The following NCAM2 variants were observed in gnomAD, a reference collection of about 807,000 sequenced individuals.
NCAM2 encodes N-CAM-2.
In NCAM2, 30 loss-of-function variants were observed where a neutral mutation model predicts 98.1. The observed-to-expected ratio is 0.31, with a 90% confidence interval of 0.23 to 0.41. The LOEUF (loss-of-function observed/expected upper bound fraction) is 0.41. NCAM2 is among the 10% of genes least tolerant of loss of function. The probability of loss-of-function intolerance (pLI) is 1.00; values close to 1 mark genes in which losing one functional copy is unlikely to be tolerated. For synonymous variants in NCAM2, 368 were observed against 342.4 expected (o/e 1.07, Z -0.83); for missense variants, 867 against 1,005.8 (o/e 0.86, Z 1.87).
rs545933769 is a variant in NCAM2, at chr21:21,418,700, A to G, written c.1480+131A>G. ...TGGATCTCTTGGAGATATCAGGTAG[A>G]CTGTGGTTACCAGAGGCTTGGTAGT... On this transcript the variant is annotated intron_variant, in intron 11 of 17. Coordinates refer to ENST00000400546, the MANE Select transcript of NCAM2 (RefSeq NM_004540.5). The G allele has an allele frequency of 4.7e-4, 339 of 728,742 alleles. No individual in the cohort carries two copies. Among genetic ancestry groups the G allele is most frequent in the Middle Eastern group, 2.2e-3 (8 of 3,650 alleles). The allele number at this position is 728,742 out of a possible 1,614,324, so 45.1% of individuals were successfully genotyped here.
chr21:21,341,079 C>T (rs1483895105), intron 8 of NCAM2, among the ~76,000 whole-genome samples: 1 of 152,042 alleles, frequency 6.6e-6, no homozygotes, highest in Non-Finnish European at 1.5e-5. Context: ...TACAAATTTA[C>T]AGTATGGCCT....
At chr21:21,221,269 T>C (rs1297809780) in intron 1 of NCAM2, among the ~76,000 whole-genome samples, 1 of 152,128 alleles carries the variant, frequency 6.6e-6, no homozygotes, top group Non-Finnish European at 1.5e-5. Context: ...TTTGGTCAAT[T>C]ACCACCCCTA....
intron 1 of NCAM2, among the ~76,000 whole-genome samples, chr21:21,160,843 A>G (rs563472962): frequency 4.1e-4 from 63 of 152,154 alleles, no homozygotes; most frequent in African/African-American, 1.4e-3. Context: ...TTGATATGCA[A>G]TGACATTCTG....
At chr21:21,138,186 A>C (rs1289060462) in intron 1 of NCAM2, among the ~76,000 whole-genome samples, 1 of 152,298 alleles carries the variant, frequency 6.6e-6, no homozygotes, top group Admixed American at 6.5e-5. Context: ...AAGTGTGAGC[A>C]AGCACAGATG....
intron 1 of NCAM2, among the ~76,000 whole-genome samples, chr21:21,268,673 C>T (rs1185697831): frequency 6.6e-6 from 1 of 152,146 alleles, no homozygotes; most frequent in African/African-American, 2.4e-5. Context: ...CCCCATAATT[C>T]TTATCTCTCT....
In NCAM2 at chr21:21,288,753, A is replaced by C. The variant is rs530712366; in HGVS notation, c.481+2341A>C. ...ATCAAGATTACAATTATGTATGAGG[A>C]TTTAGAATAATGCCACGGACCCAGA... On this transcript the variant is annotated intron_variant, in intron 4 of 17. Transcript: ENST00000400546. Among the ~76,000 whole-genome samples, 6 of 151,996 alleles carry C rather than the reference A, an allele frequency of 3.9e-5. No individual in the cohort carries two copies. The South Asian group carries it at 1.0e-3, about 26-fold the overall frequency.
chr21:21,278,571 G>C (rs922286671), intron 1 of NCAM2, among the ~76,000 whole-genome samples: 2 of 151,922 alleles, frequency 1.3e-5, no homozygotes, highest in East Asian at 3.9e-4. Context: ...TTTCTGAAAC[G>C]TTAGATATAT....
intron 1 of NCAM2, among the ~76,000 whole-genome samples, chr21:21,156,535 A>C (rs2067615840): frequency 6.6e-6 from 1 of 151,990 alleles, no homozygotes; most frequent in Non-Finnish European, 1.5e-5. Flanking sequence ...GATATAGTAA[A>C]CACCAAAGTT....
chr21:21,318,789 GC>G (rs1469293952), intron 5 of NCAM2, among the ~76,000 whole-genome samples: 1 of 152,120 alleles, frequency 6.6e-6, no homozygotes, highest in Non-Finnish European at 1.5e-5. Context: ...ACTTATACTT[GC>G]CCAATAGTGT....
intron 15 of NCAM2, among the ~76,000 whole-genome samples, chr21:21,497,512 G>C (rs916217189): frequency 2.0e-5 from 3 of 152,190 alleles, no homozygotes; most frequent in African/African-American, 7.2e-5. Flanking sequence ...ATGGTTATCG[G>C]TGCTACCTTT....
intron 9 of NCAM2, among the ~76,000 whole-genome samples, chr21:21,398,927 C>A (rs1038627625): frequency 2.6e-5 from 4 of 152,158 alleles, no homozygotes; most frequent in African/African-American, 7.2e-5. Flanking sequence ...CAGGTTTATT[C>A]TGAGAGCCAG....
intron 15 of NCAM2, among the ~76,000 whole-genome samples, chr21:21,487,786 C>A (rs889105755): frequency 3.3e-5 from 5 of 152,044 alleles, no homozygotes; most frequent in African/African-American, 1.2e-4. Flanking sequence ...CAGTAAGACC[C>A]ACAAGTACCA....
At chr21:21,099,100 C>T (rs1046346620) in intron 1 of NCAM2, among the ~76,000 whole-genome samples, 4 of 151,688 alleles carry the variant, frequency 2.6e-5, no homozygotes, top group Admixed American at 1.3e-4. Flanking sequence ...ACATTATCCA[C>T]GGGTCCAAAG....
intron 1 of NCAM2, among the ~76,000 whole-genome samples, chr21:21,238,764 A>G (rs981357345): frequency 6.6e-6 from 1 of 152,160 alleles, no homozygotes; most frequent in Admixed American, 6.5e-5. Flanking sequence ...TGTAAGTAAT[A>G]AATTGGCCAT....
At chr21:21,271,257 G>T (rs777178217) in intron 1 of NCAM2, among the ~76,000 whole-genome samples, 1 of 151,986 alleles carries the variant, frequency 6.6e-6, no homozygotes, top group Non-Finnish European at 1.5e-5. Context: ...AAATATTTTA[G>T]CATGTATTTT....
chr21:21,220,450 C>T (rs1051155973), intron 1 of NCAM2, among the ~76,000 whole-genome samples: 7 of 152,102 alleles, frequency 4.6e-5, no homozygotes, highest in African/African-American at 1.7e-4. Context: ...GGCTATACCA[C>T]ACAGCCTAGG....
intron 11 of NCAM2, among the ~76,000 whole-genome samples, chr21:21,431,357 A>G (rs2077340413): frequency 6.7e-6 from 1 of 150,094 alleles, no homozygotes; most frequent in Admixed American, 6.7e-5. Flanking sequence ...TCTGCCTTTG[A>G]GATAATTCTT....
chr21:21,216,239 C>T (rs1308586502), intron 1 of NCAM2, among the ~76,000 whole-genome samples: 2 of 152,152 alleles, frequency 1.3e-5, no homozygotes, highest in African/African-American at 4.8e-5. Flanking sequence ...GAGTCTCTAA[C>T]ATCTGGGAAA....
At chr21:21,258,274 G>A (rs2147328517) in intron 1 of NCAM2, among the ~76,000 whole-genome samples, 1 of 152,254 alleles carries the variant, frequency 6.6e-6, no homozygotes, top group Non-Finnish European at 1.5e-5. Context: ...ATAAAATATT[G>A]AGGGGATTTT....
Sources: allele counts gnomAD v4.1 joint callset (sites outside exome capture counted in the v4.1 genomes callset), GRCh38; gene constraint gnomAD v4.1.1; transcripts MANE v1.5; gene names NCBI Gene and HGNC (gene_info 2026-07-23, HGNC 2026-07-21).